EEIG2: variants seen among roughly 807,000 people sequenced by gnomAD.
EEIG2 encodes EEIG family member 2, also known as family with sequence similarity 102 member B.
the EEIG2 span, chr1:108,635,000 C>A: frequency 1.0e-6 from 1 of 981,652 alleles, no homozygotes; most frequent in Non-Finnish European, 1.6e-6. Context: ...GAAATCAAAT[C>A]TAGTAGAAAA....
At chr1:108,633,269 A>G in the EEIG2 span, among the ~76,000 whole-genome samples, 1 of 152,070 alleles carries the variant, frequency 6.6e-6, no homozygotes, top group Non-Finnish European at 1.5e-5. Flanking sequence ...AGACTAAATT[A>G]GATGACTTAT....
At chr1:108,630,386 G>A in the EEIG2 span, among the ~76,000 whole-genome samples, 2 of 152,124 alleles carry the variant, frequency 1.3e-5, no homozygotes, top group Non-Finnish European at 2.9e-5. Context: ...GAGAACACAT[G>A]GAGACAGGAA....
chr1:108,590,820 G>T, the EEIG2 span, among the ~76,000 whole-genome samples: 1 of 152,254 alleles, frequency 6.6e-6, no homozygotes, highest in East Asian at 1.9e-4. Flanking sequence ...TGTACCTAGG[G>T]TATACCTATG....
At chr1:108,597,081 A>T in the EEIG2 span, among the ~76,000 whole-genome samples, 1 of 152,130 alleles carries the variant, frequency 6.6e-6, no homozygotes, top group Admixed American at 6.6e-5. Flanking sequence ...GACTTTCCTC[A>T]CTTATCTGCC....
chr1:108,608,103 A>T, the EEIG2 span, among the ~76,000 whole-genome samples: 1 of 152,162 alleles, frequency 6.6e-6, no homozygotes, highest in Non-Finnish European at 1.5e-5. Flanking sequence ...ACACTCATAC[A>T]TTCATCCTTA....
At chr1:108,624,432 T>TAAAA in the EEIG2 span, among the ~76,000 whole-genome samples, 7 of 89,502 alleles carry the variant, frequency 7.8e-5, no homozygotes, top group Non-Finnish European at 1.5e-4. Context: ...CTTGTTATGT[T>TAAAA]AAAAAAAAAA....
chr1:108,608,076 C>A, the EEIG2 span, among the ~76,000 whole-genome samples: 1 of 152,202 alleles, frequency 6.6e-6, no homozygotes, highest in Non-Finnish European at 1.5e-5. Context: ...GTCATCTGCA[C>A]ATGAACACAC....
the EEIG2 span, among the ~76,000 whole-genome samples, chr1:108,582,650 AGACTT>A: frequency 1.5e-5 from 1 of 65,738 alleles, no homozygotes; most frequent in Non-Finnish European, 3.0e-5. Context: ...TTTGGATAGA[AGACTT>A]AACAGAATTT....
At chr1:108,571,880 T>G in the EEIG2 span, among the ~76,000 whole-genome samples, 4 of 152,192 alleles carry the variant, frequency 2.6e-5, no homozygotes, top group African/African-American at 9.7e-5. Context: ...GATGAACTAT[T>G]CTTCCTTCTG....
the EEIG2 span, among the ~76,000 whole-genome samples, chr1:108,633,241 C>T: frequency 6.6e-6 from 1 of 152,110 alleles, no homozygotes; most frequent in East Asian, 1.9e-4. Flanking sequence ...AAATAAGATC[C>T]TGAACTCATA....
At chr1:108,588,345 TTCTGCATA>T in the EEIG2 span, among the ~76,000 whole-genome samples, 1 of 152,182 alleles carries the variant, frequency 6.6e-6, no homozygotes, top group East Asian at 1.9e-4. Context: ...GGGTTCCCTT[TTCTGCATA>T]TCCTCACCAA....
chr1:108,635,022 C>T, the EEIG2 span: 8 of 1,274,126 alleles, frequency 6.3e-6, no homozygotes, highest in South Asian at 5.0e-5. Flanking sequence ...TACCCAGTGC[C>T]CCATCTCTCC....
At chr1:108,596,108 G>T in the EEIG2 span, among the ~76,000 whole-genome samples, 12 of 151,434 alleles carry the variant, frequency 7.9e-5, no homozygotes, top group Middle Eastern at 6.9e-3. Flanking sequence ...GGGAGGCAGG[G>T]ATTAGGACTT....
chr1:108,562,972 TA>T, the EEIG2 span, among the ~76,000 whole-genome samples: 3 of 152,318 alleles, frequency 2.0e-5, no homozygotes, highest in African/African-American at 7.2e-5. Context: ...TTTTAACTTC[TA>T]AAAAATTGCT....
the EEIG2 span, among the ~76,000 whole-genome samples, chr1:108,619,100 G>A: frequency 6.6e-6 from 1 of 152,064 alleles, no homozygotes; most frequent in South Asian, 2.1e-4. Context: ...AACTTTTTAT[G>A]GATATTCCCT....
At chr1:108,627,956 T>C in the EEIG2 span, 1 of 526,898 alleles carries the variant, frequency 1.9e-6, no homozygotes, top group African/African-American at 1.9e-5. Flanking sequence ...ATGAAAAATA[T>C]AATTCTTCAG....
chr1:108,595,847 G>T, the EEIG2 span, among the ~76,000 whole-genome samples: 4 of 152,294 alleles, frequency 2.6e-5, no homozygotes, highest in Admixed American at 2.0e-4. Context: ...GCTTTGGCCT[G>T]AGTAATAAAA....
chr1:108,629,928 G>A, the EEIG2 span: 1 of 404,328 alleles, frequency 2.5e-6, no homozygotes, highest in Non-Finnish European at 4.5e-6. Context: ...CATTGGGAAA[G>A]TTGCAATATA....
At chr1:108,622,092 G>A in the EEIG2 span, among the ~76,000 whole-genome samples, 1 of 152,234 alleles carries the variant, frequency 6.6e-6, no homozygotes, top group East Asian at 1.9e-4. Context: ...GGGAGGCGGA[G>A]GCTGCAGTGA....
Sources: allele counts gnomAD v4.1 joint callset (sites outside exome capture counted in the v4.1 genomes callset), GRCh38; gene constraint gnomAD v4.1.1; transcripts MANE v1.5; gene names NCBI Gene and HGNC (gene_info 2026-07-23, HGNC 2026-07-21).